Variants in NEK11 observed in about 807,000 individuals in gnomAD.
NEK11 encodes the protein serine/threonine-protein kinase Nek11.
NEK11 carries 72 observed loss-of-function variants against 80.7 expected under a neutral mutation model. The ratio of observed to expected loss-of-function variants is 0.89; its 90% CI spans 0.74 to 1.08. The LOEUF is 1.08. Ranked by LOEUF, NEK11 falls within the 50% of genes least tolerant of loss-of-function variation. The pLI, the probability that NEK11 is intolerant of heterozygous loss-of-function variation, is 0.00. For missense variants in NEK11, 764 were observed against 763.6 expected, an observed-to-expected ratio of 1.00 and a Z score of -0.01; for synonymous variants, 251 against 260.7, an observed-to-expected ratio of 0.96 and a Z score of 0.36.
intron 7 of NEK11, 109 bp from the exon 8 acceptor site, chr3:131,152,279 A>T: frequency 2.4e-6 from 2 of 838,698 alleles, no homozygotes; most frequent in Non-Finnish European, 3.7e-6. Flanking sequence ...TACTGATTGT[A>T]TGTTTGTGCC....
intron 5 of NEK11, among the ~76,000 whole-genome samples, chr3:131,116,486 T>C (rs1007424785): frequency 6.6e-6 from 1 of 152,236 alleles, no homozygotes; most frequent in Non-Finnish European, 1.5e-5. Flanking sequence ...TTTGGGTATA[T>C]ACCCAGTAAT....
At chr3:131,088,225 C>T (rs1335481085) in intron 4 of NEK11, 3 of 152,104 alleles carry the variant, frequency 2.0e-5, no homozygotes, top group African/African-American at 4.8e-5. Context: ...GTAAATAATA[C>T]GAGTGTCTAA....
At chr3:131,241,023 A>G (rs2095510617) in intron 15 of NEK11, among the ~76,000 whole-genome samples, 1 of 152,188 alleles carries the variant, frequency 6.6e-6, no homozygotes. Context: ...GAGAGAGATA[A>G]CACATAAACT....
intron 17 of NEK11, among the ~76,000 whole-genome samples, chr3:131,338,620 A>T (rs1315505573): frequency 1.3e-5 from 2 of 152,198 alleles, no homozygotes; most frequent in Non-Finnish European, 2.9e-5. Context: ...GAATGGATAA[A>T]CCAACTGCAG....
At chr3:131,120,973 T>A (rs560607697) in intron 5 of NEK11, among the ~76,000 whole-genome samples, 1 of 152,286 alleles carries the variant, frequency 6.6e-6, no homozygotes, top group South Asian at 2.1e-4. Context: ...GGCTGAACCC[T>A]TCTTCTCTCA....
At chr3:131,311,648 T>C (rs927605381) in intron 17 of NEK11, among the ~76,000 whole-genome samples, 1 of 152,234 alleles carries the variant, frequency 6.6e-6, no homozygotes, top group Non-Finnish European at 1.5e-5. Flanking sequence ...GAGTGAATAA[T>C]GTTAGAAACA....
At chr3:131,124,717 TAAG>T (rs1466208562) in intron 5 of NEK11, among the ~76,000 whole-genome samples, 3 of 152,156 alleles carry the variant, frequency 2.0e-5, no homozygotes, top group East Asian at 3.8e-4. Flanking sequence ...TTAAATCAGT[TAAG>T]AAGTCAGCAA....
rs372242813 is a variant in NEK11 at position 131,133,779 on chromosome 3, C to T, written c.521-51C>T. The stretch of plus-strand genomic sequence containing the variant: ...CTCATTCAGTTGTTAATTTCCAGGG[C>T]TAATTTTTCGTTGGCTTAAAGTATT... On this transcript the variant is annotated intron_variant, in intron 6 of 17. Transcript: ENST00000383366. The T allele has an allele frequency of 6.0e-6, 9 of 1,509,738 alleles. No homozygotes were observed. In the Admixed American group the frequency reaches 1.6e-4, roughly 27 times the overall value. 93.5% of individuals were successfully genotyped at this position (1,509,738 alleles called of 1,614,324 possible). A position where few individuals can be genotyped will look rare whatever the true frequency, so the allele number is the denominator to read the frequency against.
At chr3:131,205,527 C>G (rs569956267) in intron 14 of NEK11, among the ~76,000 whole-genome samples, 2 of 152,152 alleles carry the variant, frequency 1.3e-5, no homozygotes, top group Non-Finnish European at 2.9e-5. Flanking sequence ...CCAGCTGTGT[C>G]TCTTTTTGTG....
At chr3:131,202,501 A>G (rs1423498421) in intron 14 of NEK11, among the ~76,000 whole-genome samples, 1 of 152,160 alleles carries the variant, frequency 6.6e-6, no homozygotes, top group Non-Finnish European at 1.5e-5. Flanking sequence ...TGCTAGTCCA[A>G]GATCAAACTG....
Position 131,194,425 on chromosome 3 carries a change from G to T in NEK11, c.1399+23538G>T, listed in dbSNP as rs150994697. On this transcript the variant is annotated intron_variant, in intron 14 of 17. Coordinates refer to ENST00000383366, the MANE Select transcript of NEK11 (RefSeq NM_024800.5). ...CATTGTCAAGATTTATTACATCCTA[G>T]AGAGTTTTCTAGGTGTTTTCAATAG... Among the ~76,000 whole-genome samples the T allele has an allele frequency of 1.1e-3, 162 of 152,134 alleles. 4 individuals are homozygous for T. The East Asian group carries it at 0.024, about 22-fold the overall frequency.
intron 5 of NEK11, among the ~76,000 whole-genome samples, chr3:131,121,334 T>A (rs372146970): frequency 6.6e-6 from 1 of 152,198 alleles, no homozygotes; most frequent in Non-Finnish European, 1.5e-5. Flanking sequence ...TGCTGCCTGA[T>A]CCTTCCTCTG....
intron 17 of NEK11, among the ~76,000 whole-genome samples, chr3:131,336,107 G>T (rs536649163): frequency 1.3e-5 from 2 of 152,036 alleles, no homozygotes; most frequent in African/African-American, 2.4e-5. Context: ...TCACAGAATT[G>T]GAAAAAACTA....
intron 14 of NEK11, among the ~76,000 whole-genome samples, chr3:131,198,668 T>C (rs1379202497): frequency 6.6e-6 from 1 of 152,216 alleles, no homozygotes; most frequent in Non-Finnish European, 1.5e-5. Context: ...GGTTGCAAGC[T>C]CATCCCTCGG....
chr3:131,032,503 G>A lies in NEK11; in HGVS notation c.170+2625G>A, dbSNP rs1049091702. On this transcript the variant is annotated intron_variant, in intron 3 of 17. Transcript: ENST00000383366. ...ACCTTTCCACTACGTGCCGACCTTTGTAGACAATTGCTTTTGGAATTATTT... is the reference window on the plus strand; with the variant it reads ...ACCTTTCCACTACGTGCCGACCTTTATAGACAATTGCTTTTGGAATTATTT... 2.0e-5 allele frequency among the ~76,000 whole-genome samples: 3 copies of A among 152,244 alleles called. No homozygotes were observed. In the East Asian group the frequency reaches 5.8e-4, roughly 29 times the overall value.
At chr3:131,087,027 G>GA (rs2076065450) in intron 4 of NEK11, among the ~76,000 whole-genome samples, 1 of 152,024 alleles carries the variant, frequency 6.6e-6, no homozygotes, top group Non-Finnish European at 1.5e-5. Context: ...TTGAAATAAT[G>GA]AATGTTGAAA....
At chr3:131,080,097 A>C (rs1349061095) in intron 3 of NEK11, among the ~76,000 whole-genome samples, 1 of 152,048 alleles carries the variant, frequency 6.6e-6, no homozygotes, top group Non-Finnish European at 1.5e-5. Flanking sequence ...ACAGACAGAA[A>C]TAGATAACTA....
intron 17 of NEK11, among the ~76,000 whole-genome samples, chr3:131,337,341 C>A (rs2097202418): frequency 6.6e-6 from 1 of 152,006 alleles, no homozygotes; most frequent in Non-Finnish European, 1.5e-5. Context: ...TGGAAATCAT[C>A]ATTCTCAGTA....
At chr3:131,177,419 CAT>C (rs2093089340) in intron 14 of NEK11, among the ~76,000 whole-genome samples, 1 of 152,144 alleles carries the variant, frequency 6.6e-6, no homozygotes, top group South Asian at 2.1e-4. Flanking sequence ...CAGTAACATA[CAT>C]GTCTGTTACT....
Sources: gnomAD v4.1 joint callset for allele counts (sites outside exome capture counted in the v4.1 genomes callset) on GRCh38, gnomAD v4.1.1 for gene constraint, MANE v1.5 for transcripts, NCBI Gene and HGNC (gene_info 2026-07-23, HGNC 2026-07-21) for gene names.